The following KDM8 variants were observed in gnomAD, a reference collection of about 807,000 sequenced individuals.
KDM8 encodes the protein lysine demethylase 8, also known as bifunctional peptidase and arginyl-hydroxylase JMJD5.
KDM8 carries 35 observed loss-of-function variants against 46.9 expected under a neutral mutation model. The observed-to-expected ratio is 0.75, with a 90% CI of 0.57 to 0.99. The LOEUF is 0.99. KDM8 is among the 50% of genes least tolerant of loss of function. The pLI is 0.00. For missense variants in KDM8, 475 were observed against 537.0 expected (o/e 0.88, Z 1.14); for synonymous variants, 232 against 227.7 (o/e 1.02, Z -0.17).
In KDM8 at chr16:27,218,946, C is replaced by T. The variant is rs1453789213; in HGVS notation, c.844-15C>T. ...GCCGGATCCCCACATCTCATGTCTG[C>T]TCTGCCGCCCACAGATCCCGGAGTT... is the stretch of plus-strand genomic sequence containing the variant. On this transcript the variant is annotated splice_polypyrimidine_tract_variant and intron_variant, in intron 5 of 7. Coordinates refer to ENST00000286096, the MANE Select transcript of KDM8 (RefSeq NM_024773.3). 6.2e-7 allele frequency: 1 copy of T among 1,613,982 alleles called. No individual in the cohort carries two copies. Among genetic ancestry groups the T allele is most frequent in the Non-Finnish European group, 8.5e-7 (1 of 1,179,884 alleles).
chr16:27,206,122 G>C (rs2140960815), intron 1 of KDM8: 1 of 498,968 alleles, frequency 2.0e-6, no homozygotes, highest in Non-Finnish European at 2.6e-6. Flanking sequence ...TTTATGTAGA[G>C]CTCTCGAAGG....
In KDM8 at chr16:27,219,076, T is replaced by G. The variant is rs145065070; in HGVS notation, c.959T>G (p.Leu320Arg). The G allele has an allele frequency of 6.2e-7, 1 of 1,613,186 alleles. No individual in the cohort carries two copies. Among genetic ancestry groups the G allele is most frequent in the Admixed American group, 1.7e-5 (1 of 59,912 alleles). Residue 320 changes from leucine to arginine, a missense_variant, in exon 6 of 8, where the codon CTA (leucine) becomes CGA (arginine). Transcript: ENST00000286096. ...GGTCCCCAGGGAACCATCTCCCCACTACATCAGGATCCCCAGCAAAACTTC... is the reference window on the plus strand; with the variant it reads ...GGTCCCCAGGGAACCATCTCCCCACGACATCAGGATCCCCAGCAAAACTTC... ...WFGPQGTISP[L>R]HQDPQQNFLV...
At chr16:27,213,872 C>T (rs1350041258) in intron 3 of KDM8, 121 bp downstream of exon 3, 4 of 954,200 alleles carry the variant, frequency 4.2e-6, no homozygotes, top group Non-Finnish European at 6.1e-6. Context: ...ACTAGCAGCC[C>T]TTGACTGATT....
chr16:27,220,753 C>T lies in KDM8; in HGVS notation c.*23C>T, dbSNP rs370928179. 9.9e-6 allele frequency: 16 copies of T among 1,613,280 alleles called. No homozygotes were observed. The highest frequency in any genetic ancestry group is 1.4e-5 in the Non-Finnish European group (16 of 1,179,306). Reference sequence around the variant, plus strand: ...TAGCCAGGATAGGAGCTGAAAGGGCCTGACATGCAGACAGCATTCATCTGT... The same window carrying T: ...TAGCCAGGATAGGAGCTGAAAGGGCTTGACATGCAGACAGCATTCATCTGT... On this transcript the variant is annotated 3_prime_UTR_variant, in exon 8 of 8. Coordinates refer to ENST00000286096, the MANE Select transcript of KDM8 (RefSeq NM_024773.3).
At chr16:27,208,372 G>C (rs1208190792) in intron 1 of KDM8, among the ~76,000 whole-genome samples, 1 of 152,170 alleles carries the variant, frequency 6.6e-6, no homozygotes, top group Non-Finnish European at 1.5e-5. Context: ...CGCCCTGTGA[G>C]GGGCCGTTTT....
rs1240025789 is a variant in KDM8, at chr16:27,221,102, G to A, written c.*372G>A. The A allele has an allele frequency of 5.2e-5, 19 of 364,416 alleles. No individual in the cohort carries two copies. The highest frequency in any genetic ancestry group is 3.3e-4 in the South Asian group (15 of 46,080). The allele number at this position is 364,416 out of a possible 1,614,324, so 22.6% of individuals were successfully genotyped here. ...GAGGTTGGCTACCTGATTCAAACCCGGCCGCGCTGTGCACCTGCTGGGTGA... is the reference window on the plus strand; with the variant it reads ...GAGGTTGGCTACCTGATTCAAACCCAGCCGCGCTGTGCACCTGCTGGGTGA... On this transcript the variant is annotated 3_prime_UTR_variant, in exon 8 of 8. Coordinates refer to ENST00000286096, the MANE Select transcript of KDM8 (RefSeq NM_024773.3).
intron 5 of KDM8, among the ~76,000 whole-genome samples, chr16:27,216,588 C>T (rs1292880311): frequency 6.6e-6 from 1 of 151,998 alleles, no homozygotes; most frequent in African/African-American, 2.4e-5. Flanking sequence ...GTAGCCTTTG[C>T]AGTGGGGCCC....
At chr16:27,205,466 G>A (rs1716642438) in intron 1 of KDM8, among the ~76,000 whole-genome samples, 1 of 152,158 alleles carries the variant, frequency 6.6e-6, no homozygotes, top group Non-Finnish European at 1.5e-5. Context: ...TCCAGGTTAT[G>A]AGGCCAGTTC....
At chr16:27,219,208 G>C in intron 6 of KDM8, 98 bp downstream of exon 6, 1 of 1,294,854 alleles carries the variant, frequency 7.7e-7, no homozygotes. Context: ...CTCTTAAAAA[G>C]AAACAAGAAG....
At position 27,204,119 on chromosome 16, in the gene KDM8, G is replaced by A. The variant is rs1307364148; in HGVS notation, c.-32+483G>A. 7.1e-6 allele frequency: 11 copies of A among 1,546,096 alleles called. No individual in the cohort carries two copies. In the Admixed American group the frequency reaches 2.0e-4, roughly 28 times the overall value. Reference sequence around the variant, plus strand: ...TGAGCCGCGAGAAATGCAGCCCCGGGGAAGGCGCTGAGGAGGGAAGGGGGT... The same window carrying A: ...TGAGCCGCGAGAAATGCAGCCCCGGAGAAGGCGCTGAGGAGGGAAGGGGGT... On this transcript the variant is annotated intron_variant, in intron 1 of 7. Transcript: ENST00000286096.
At chr16:27,206,879 A>G (rs562176944) in intron 1 of KDM8, among the ~76,000 whole-genome samples, 2 of 152,196 alleles carry the variant, frequency 1.3e-5, no homozygotes, top group Middle Eastern at 3.2e-3. Flanking sequence ...AGATTGTTTC[A>G]TACAGCCAGC....
At chr16:27,213,850 T>C in intron 3 of KDM8, 99 bp downstream of exon 3, 1 of 1,197,346 alleles carries the variant, frequency 8.4e-7, no homozygotes, top group Non-Finnish European at 1.2e-6. Flanking sequence ...AATGCAACCT[T>C]GTAGATGCTT....
chr16:27,205,505 C>T (rs922227142), intron 1 of KDM8, among the ~76,000 whole-genome samples: 3 of 152,148 alleles, frequency 2.0e-5, no homozygotes, highest in African/African-American at 7.2e-5. Flanking sequence ...CCCACTCAAG[C>T]TGTTTCTATA....
chr16:27,203,925 CGG>C, intron 1 of KDM8: 2 of 535,974 alleles, frequency 3.7e-6, no homozygotes, highest in South Asian at 4.9e-5. Flanking sequence ...GCCCTTACGG[CGG>C]GCTGCTGTGC....
chr16:27,216,450 C>A (rs2083554471), intron 5 of KDM8, among the ~76,000 whole-genome samples: 1 of 152,132 alleles, frequency 6.6e-6, no homozygotes, highest in Non-Finnish European at 1.5e-5. Flanking sequence ...TGGTGTCTGC[C>A]AGGAGTGCCC....
Position 27,210,565 on chromosome 16 carries a change from C to G in KDM8, c.442C>G (p.His148Asp), listed in dbSNP as rs762127726. Residue 148 changes from histidine (H) to aspartate (D), a missense_variant, in exon 2 of 8, where the codon CAC becomes GAC. His to Asp is a moderately conservative substitution (Grantham distance 81). Coordinates refer to ENST00000286096, the MANE Select transcript of KDM8 (RefSeq NM_024773.3). ...TAAAGTCGCTGCCATCCTCCAGACA[C>G]ACCTCCCTGGAAAGAGGCCTGCCCG... ...LLKVAAILQT[H>D]LPGKRPARGS... is the part of the protein sequence containing the mutation. 6.6e-7 allele frequency: 1 copy of G among 1,524,328 alleles called. No individual in the cohort carries two copies. Among genetic ancestry groups the G allele is most frequent in the African/African-American group, 1.4e-5 (1 of 72,194 alleles). 94.4% of individuals were successfully genotyped at this position (1,524,328 alleles called of 1,614,324 possible). A position where few individuals can be genotyped will look rare whatever the true frequency, so the allele number is the denominator to read the frequency against.
intron 5 of KDM8, among the ~76,000 whole-genome samples, chr16:27,216,595 G>C (rs2083556991): frequency 6.6e-6 from 1 of 151,652 alleles, no homozygotes; most frequent in Non-Finnish European, 1.5e-5. Context: ...TTGCAGTGGG[G>C]CCCTGGGATG....
intron 2 of KDM8, among the ~76,000 whole-genome samples, chr16:27,212,955 G>T (rs1365871755): frequency 1.3e-5 from 2 of 152,176 alleles, no homozygotes; most frequent in Non-Finnish European, 2.9e-5. Context: ...CTCCCAAAGT[G>T]CTGGGATTAC....
At chr16:27,212,026 A>G (rs2083489538) in intron 2 of KDM8, among the ~76,000 whole-genome samples, 2 of 152,204 alleles carry the variant, frequency 1.3e-5, no homozygotes, top group African/African-American at 4.8e-5. Flanking sequence ...CCAAAATAAA[A>G]GAAAATCAAA....
Sources: gnomAD v4.1 joint callset for allele counts (sites outside exome capture counted in the v4.1 genomes callset) on GRCh38, gnomAD v4.1.1 for gene constraint, MANE v1.5 for transcripts, NCBI Gene and HGNC (gene_info 2026-07-23, HGNC 2026-07-21) for gene names.